Variants in CDCP1 observed in about 807,000 individuals in gnomAD.
CDCP1 encodes the protein CUB domain containing protein 1.
In CDCP1, 29 loss-of-function variants were observed where a neutral mutation model predicts 60.2. The observed-to-expected ratio is 0.48, with a 90% CI of 0.36 to 0.66. The LOEUF is 0.66. Among genes scored for constraint, CDCP1 ranks in the 30% least tolerant of loss-of-function variants. CDCP1 has a pLI of 0.00. For missense variants in CDCP1, 876 were observed against 1,074.3 expected, an observed-to-expected ratio of 0.82 and a Z score of 2.58; for synonymous variants, 387 against 431.1, an observed-to-expected ratio of 0.90 and a Z score of 1.27.
chr3:45,104,750 C>G (rs1169560074), intron 4 of CDCP1, among the ~76,000 whole-genome samples: 3 of 152,154 alleles, frequency 2.0e-5, no homozygotes, highest in Non-Finnish European at 4.4e-5. Context: ...ATTGCAGATG[C>G]CTTCATATAA....
intron 4 of CDCP1, among the ~76,000 whole-genome samples, chr3:45,104,463 C>G (rs1698529209): frequency 1.3e-5 from 2 of 152,162 alleles, no homozygotes; most frequent in Admixed American, 6.5e-5. Context: ...ATGTGCAGCC[C>G]TTATCTCTCA....
chr3:45,085,752 A>C lies in CDCP1; in HGVS notation c.2397T>G (p.Pro799=), dbSNP rs757197712. The C allele has an allele frequency of 6.2e-7, 1 of 1,614,146 alleles. No individual in the cohort carries two copies. Among genetic ancestry groups the C allele is most frequent in the East Asian group, 2.2e-5 (1 of 44,866 alleles). The part of the protein sequence containing the change: ...ATEEPPPRSP[P]ESESEPYTFS... ...AGGTGTACGGTTCACTCTCAGACTC[A>C]GGAGGGGAGCGAGGAGGTGGCTCCT... Residue 799 remains proline, a synonymous_variant, in exon 9 of 9, where the codon CCT becomes CCG. Coordinates refer to ENST00000296129, the MANE Select transcript of CDCP1 (RefSeq NM_022842.5). This position sits in a 1 kb window ranked among gnomAD's most constrained non-coding sequence, Gnocchi z 4.2.
intron 1 of CDCP1, among the ~76,000 whole-genome samples, chr3:45,145,943 C>G (rs569433329): frequency 1.3e-5 from 2 of 152,058 alleles, no homozygotes; most frequent in African/African-American, 4.8e-5. Context: ...CGGGAGGCTC[C>G]CCGATCGGGG....
intron 8 of CDCP1, among the ~76,000 whole-genome samples, chr3:45,087,135 G>A (rs1459772541): frequency 2.6e-5 from 4 of 152,064 alleles, no homozygotes; most frequent in Admixed American, 2.6e-4. Flanking sequence ...CAGTCCCCCT[G>A]CCCCCATAGA....
At chr3:45,130,847 T>C (rs548434008) in intron 1 of CDCP1, among the ~76,000 whole-genome samples, 2 of 152,212 alleles carry the variant, frequency 1.3e-5, no homozygotes, top group Admixed American at 6.5e-5. Flanking sequence ...AAGCTAGCCA[T>C]AGAATTGGAA....
intron 1 of CDCP1, among the ~76,000 whole-genome samples, chr3:45,134,662 C>T (rs1047236825): frequency 1.3e-5 from 2 of 152,182 alleles, no homozygotes; most frequent in Non-Finnish European, 2.9e-5. Flanking sequence ...CCTGAGATGG[C>T]AAACAGGTTT....
rs1698167345 is a variant in CDCP1 at position 45,085,192 on chromosome 3, CAAAT to C, written c.*442_*445del. ...GATCTCTTAAATAACACAGGACCAC[CAAAT>C]AAATAATAATAAAAAGGCACATTGT... is the stretch of plus-strand genomic sequence containing the variant. On this transcript the variant is annotated 3_prime_UTR_variant, in exon 9 of 9. Coordinates refer to ENST00000296129, the MANE Select transcript of CDCP1 (RefSeq NM_022842.5). This position sits in a 1 kb window ranked among gnomAD's most constrained non-coding sequence, Gnocchi z 4.2. The C allele has an allele frequency of 6.3e-6, 1 of 159,454 alleles. No individual in the cohort carries two copies. Among genetic ancestry groups the C allele is most frequent in the African/African-American group, 2.4e-5 (1 of 41,516 alleles). 9.9% of individuals were successfully genotyped at this position (159,454 alleles called of 1,614,324 possible). A position where few individuals can be genotyped will look rare whatever the true frequency, so the allele number is the denominator to read the frequency against.
intron 4 of CDCP1, among the ~76,000 whole-genome samples, chr3:45,096,895 T>C (rs1452219725): frequency 6.6e-6 from 1 of 152,222 alleles, no homozygotes; most frequent in Admixed American, 6.5e-5. Context: ...AGGAGGATTT[T>C]AGCTTTGCCT....
intron 1 of CDCP1, among the ~76,000 whole-genome samples, chr3:45,144,099 G>C (rs1220308235): frequency 6.6e-6 from 1 of 152,144 alleles, no homozygotes; most frequent in African/African-American, 2.4e-5. Flanking sequence ...AATGTAACCA[G>C]TGTTTCACTC....
At chr3:45,096,916 A>C (rs939156088) in intron 4 of CDCP1, among the ~76,000 whole-genome samples, 1 of 152,168 alleles carries the variant, frequency 6.6e-6, no homozygotes, top group Non-Finnish European at 1.5e-5. Flanking sequence ...ATAATATTTA[A>C]ATTTCTAACA....
chr3:45,124,451 A>G (rs1698939777), intron 1 of CDCP1, among the ~76,000 whole-genome samples: 1 of 152,146 alleles, frequency 6.6e-6, no homozygotes, highest in South Asian at 2.1e-4. Flanking sequence ...GGCTGGGCTC[A>G]GCCTAGGCAC....
intron 8 of CDCP1, 125 bp downstream of exon 8, chr3:45,088,929 T>G: frequency 1.3e-6 from 1 of 795,762 alleles, no homozygotes; most frequent in Non-Finnish European, 2.1e-6. Context: ...CAATATTGTT[T>G]AACATTGATC....
Position 45,146,325 on chromosome 3 carries a change from G to T in CDCP1, c.-38C>A. 4 of 1,514,344 alleles carry T rather than the reference G, an allele frequency of 2.6e-6. No individual in the cohort carries two copies. Among genetic ancestry groups the T allele is most frequent in the Non-Finnish European group, 3.5e-6 (4 of 1,132,044 alleles). The allele number at this position is 1,514,344 out of a possible 1,614,324, so 93.8% of individuals were successfully genotyped here. A position where few individuals can be genotyped will look rare whatever the true frequency, so the allele number is the denominator to read the frequency against. ...CCTCGGCCTCGGTGGGGAAAACGAC[G>T]GTGGGGAGCGGCGGCCCCAGGCGCC... is the stretch of plus-strand genomic sequence containing the variant. On this transcript the variant is annotated 5_prime_UTR_variant, in exon 1 of 9. Transcript: ENST00000296129.
chr3:45,127,360 G>A (rs142519958), intron 1 of CDCP1, among the ~76,000 whole-genome samples: 90 of 152,300 alleles, frequency 5.9e-4, no homozygotes, highest in African/African-American at 1.9e-3. Flanking sequence ...ACAGCTTCAT[G>A]AGGTCTGCCC....
chr3:45,124,678 C>T (rs1698946138), intron 1 of CDCP1, among the ~76,000 whole-genome samples: 1 of 152,192 alleles, frequency 6.6e-6, no homozygotes, highest in South Asian at 2.1e-4. Context: ...GGTGTTTCCT[C>T]CATCCATGGA....
Position 45,085,814 on chromosome 3 carries a change from TGGTG to T in CDCP1, c.2331_2334del (p.Thr778TyrfsTer38). On this transcript the variant is annotated frameshift_variant, in exon 9 of 9. Transcript: ENST00000296129. LOFTEE classifies it low-confidence loss of function (END_TRUNC). This position sits in a 1 kb window ranked among gnomAD's most constrained non-coding sequence, Gnocchi z 4.2. ...TTTGCAGTTGGGGCCCTGGAGCATA[TGGTG>T]GGTGGGGAGGGAGGACAGACCCCCA... 6.2e-7 allele frequency: 1 copy of T among 1,613,986 alleles called. No homozygotes were observed. Among genetic ancestry groups the T allele is most frequent in the Non-Finnish European group, 8.5e-7 (1 of 1,179,980 alleles).
In CDCP1 at chr3:45,095,440, T is replaced by C. The variant is rs1398151716; in HGVS notation, c.1153A>G (p.Ser385Gly). ...GAGCCAGATGTCAGGGTGAGGTTGCTACTGCAGGTCCGAGATTCTAGACAC... is the reference window on the plus strand; with the variant it reads ...GAGCCAGATGTCAGGGTGAGGTTGCCACTGCAGGTCCGAGATTCTAGACAC... ...FVCLESRTCS[S>G]NLTLTSGSKH... is the part of the protein sequence containing the mutation. The change falls in exon 5 of 9, where the codon AGC becomes GGC. Residue 385 changes from serine to glycine, a missense_variant. By Grantham distance (56) the Ser-to-Gly change is moderately conservative (BLOSUM62 0). This residue lies in a region of CDCP1 where 726 missense variants were observed against 935.7 expected (regional missense o/e 0.78). Transcript: ENST00000296129. The C allele has an allele frequency of 1.2e-6, 2 of 1,614,102 alleles. No homozygotes were observed. The highest frequency in any genetic ancestry group is 4.5e-5 in the East Asian group (2 of 44,902).
chr3:45,130,722 C>A (rs72881564), intron 1 of CDCP1, among the ~76,000 whole-genome samples: 2,992 of 152,304 alleles, frequency 0.02, 109 homozygotes, highest in African/African-American at 0.068. Context: ...ACCCTAAGTG[C>A]AGTGAGTTAT....
chr3:45,087,221 G>A (rs1320625117), intron 8 of CDCP1, among the ~76,000 whole-genome samples: 2 of 152,134 alleles, frequency 1.3e-5, no homozygotes, highest in African/African-American at 2.4e-5. Context: ...GGAAGTACCC[G>A]CTTAGTGAAC....
Sources: allele counts gnomAD v4.1 joint callset (sites outside exome capture counted in the v4.1 genomes callset), GRCh38; gene constraint gnomAD v4.1.1; regional missense constraint gnomAD v4.1.1; non-coding constraint Gnocchi (gnomAD v3.1); transcripts MANE v1.5; gene names NCBI Gene and HGNC (gene_info 2026-07-23, HGNC 2026-07-21).